NHSL2: variants seen among roughly 807,000 people sequenced by gnomAD.
NHSL2 encodes the protein NHS-like protein 2.
A neutral mutation model predicts 53.4 loss-of-function variants in NHSL2; 27 were observed. That is an observed-to-expected ratio of 0.51 (90% CI 0.37 to 0.70). NHSL2 has a LOEUF of 0.70. Ranked by LOEUF, NHSL2 falls within the 30% of genes least tolerant of loss-of-function variation. NHSL2 has a pLI of 0.00. For missense variants in NHSL2, 892 were observed against 980.1 expected (o/e 0.91, Z 1.20); for synonymous variants, 408 against 404.1 (o/e 1.01, Z -0.12).
chrX:71,935,376 G>A (rs2041733106), intron 1 of NHSL2, among the ~76,000 whole-genome samples: 1 of 112,394 alleles, frequency 8.9e-6, no homozygotes. Flanking sequence ...CTAGGGAAAT[G>A]TGAAAACCAT....
At chrX:72,017,903 T>C (rs751523574) in intron 1 of NHSL2, among the ~76,000 whole-genome samples, 36 of 111,361 alleles carry the variant, frequency 3.2e-4, no homozygotes, top group African/African-American at 7.9e-4. Context: ...TCTTTTTTTT[T>C]CCCCTCATTT....
intron 5 of NHSL2, 125 bp downstream of exon 5, chrX:72,137,350 G>A (rs1169721468): frequency 1.5e-6 from 1 of 666,961 alleles, no homozygotes; most frequent in African/African-American, 2.2e-5. Flanking sequence ...GCCTCCGGAT[G>A]TCCTGAAAAA....
At chrX:72,079,780 C>T (rs993348484) in intron 1 of NHSL2, 28 of 113,036 alleles carry the variant, frequency 2.5e-4, no homozygotes, top group Non-Finnish European at 3.4e-4. Flanking sequence ...GTTCATTTCC[C>T]CTCACTGCAG....
At chrX:72,052,304 C>T (rs939453537) in intron 1 of NHSL2, among the ~76,000 whole-genome samples, 22 of 112,363 alleles carry the variant, frequency 2.0e-4, no homozygotes, top group African/African-American at 6.8e-4. Flanking sequence ...ACTGGATGCT[C>T]AATTCCTAGT....
Position 72,143,741 on chromosome X carries a change from T to C in NHSL2, c.*167T>C. ...GCTACTTCATCTAGAGCTAAAATCATCTGGCACTTAATCATCTTCAGACAT... is the reference window on the plus strand; with the variant it reads ...GCTACTTCATCTAGAGCTAAAATCACCTGGCACTTAATCATCTTCAGACAT... On this transcript the variant is annotated 3_prime_UTR_variant, in exon 8 of 8. Coordinates refer to ENST00000633930, the MANE Select transcript of NHSL2 (RefSeq NM_001013627.3). 2.5e-6 allele frequency: 1 copy of C among 398,794 alleles called. No individual in the cohort carries two copies. Among genetic ancestry groups the C allele is most frequent in the Non-Finnish European group, 4.4e-6 (1 of 228,420 alleles). 32.9% of individuals were successfully genotyped at this position (398,794 alleles called of 1,213,427 possible). A position where few individuals can be genotyped will look rare whatever the true frequency, so the allele number is the denominator to read the frequency against.
At chrX:71,923,177 G>T (rs1389392662) in intron 1 of NHSL2, among the ~76,000 whole-genome samples, 2 of 111,342 alleles carry the variant, frequency 1.8e-5, no homozygotes, top group Admixed American at 9.5e-5. Flanking sequence ...TGGCAAGCAG[G>T]TGTCCCCTCC....
intron 1 of NHSL2, among the ~76,000 whole-genome samples, chrX:72,041,525 T>G (rs1030008845): frequency 8.9e-6 from 1 of 112,349 alleles, no homozygotes; most frequent in African/African-American, 3.2e-5. Context: ...ATTTCACATT[T>G]GTAAGCTACA....
rs756396497 is a variant in NHSL2 at position 72,144,871 on chromosome X, C to G, written c.*1297C>G. 7.6e-6 allele frequency: 1 copy of G among 131,818 alleles called. No homozygotes were observed. The highest frequency in any genetic ancestry group is 1.5e-5 in the Non-Finnish European group (1 of 67,045). 10.9% of individuals were successfully genotyped at this position (131,818 alleles called of 1,213,427 possible). A position where few individuals can be genotyped will look rare whatever the true frequency, so the allele number is the denominator to read the frequency against. ...GAGCTTCAGAATAATCATTGCGACC[C>G]CTCCCTGCCCCCACCCCCCACGAAG... On this transcript the variant is annotated 3_prime_UTR_variant, in exon 8 of 8. Coordinates refer to ENST00000633930, the MANE Select transcript of NHSL2 (RefSeq NM_001013627.3).
chrX:71,977,892 C>T, intron 1 of NHSL2, among the ~76,000 whole-genome samples: 1 of 111,581 alleles, frequency 9.0e-6, no homozygotes, highest in African/African-American at 3.3e-5. Context: ...TCCCACCTCC[C>T]TTATTACATA....
intron 1 of NHSL2, among the ~76,000 whole-genome samples, chrX:72,101,023 C>G (rs2041987546): frequency 1.8e-5 from 2 of 109,278 alleles, no homozygotes; most frequent in African/African-American, 6.7e-5. Context: ...ACACTCAAAA[C>G]CCAATGCCTG....
intron 1 of NHSL2, among the ~76,000 whole-genome samples, chrX:72,040,647 G>C (rs1180201467): frequency 8.9e-6 from 1 of 112,089 alleles, no homozygotes. Context: ...AGCATCCCCT[G>C]AGCACGTGCA....
At chrX:72,013,639 A>G (rs1237644688) in intron 1 of NHSL2, among the ~76,000 whole-genome samples, 3 of 108,823 alleles carry the variant, frequency 2.8e-5, no homozygotes, top group Admixed American at 9.9e-5. Context: ...TCTGAGGGGG[A>G]AAGCATTTAG....
chrX:71,949,619 A>G (rs977488766), intron 1 of NHSL2, among the ~76,000 whole-genome samples: 1 of 111,703 alleles, frequency 9.0e-6, no homozygotes, highest in African/African-American at 3.3e-5. Context: ...CCACAGCCCA[A>G]AGGGGTGCCT....
chrX:72,078,046 G>A (rs1362839895), intron 1 of NHSL2, among the ~76,000 whole-genome samples: 1 of 112,567 alleles, frequency 8.9e-6, no homozygotes, highest in East Asian at 2.8e-4. Context: ...GCTCCTAAAG[G>A]GCATATATAA....
chrX:72,044,991 T>C lies in NHSL2; in HGVS notation c.281-87088T>C, dbSNP rs369212673. ...AAAAAAAAAGAAGAGTGGCCCAAGGTAATTTTCTAACTGATGTGGCACTGG... is the reference window on the plus strand; with the variant it reads ...AAAAAAAAAGAAGAGTGGCCCAAGGCAATTTTCTAACTGATGTGGCACTGG... On this transcript the variant is annotated intron_variant, in intron 1 of 7. Transcript: ENST00000633930. 89 of 541,946 alleles carry C rather than the reference T, an allele frequency of 1.6e-4. No individual in the cohort carries two copies. The East Asian group carries it at 2.0e-3, about 12-fold the overall frequency. 44.7% of individuals were successfully genotyped at this position (541,946 alleles called of 1,213,427 possible). A position where few individuals can be genotyped will look rare whatever the true frequency, so the allele number is the denominator to read the frequency against.
chrX:72,003,189 G>A (rs2042079417), intron 1 of NHSL2, among the ~76,000 whole-genome samples: 1 of 111,394 alleles, frequency 9.0e-6, no homozygotes, highest in Admixed American at 9.6e-5. Context: ...ACAGCTGCAG[G>A]AAAATTTGTC....
chrX:71,982,579 G>A (rs1274945134), intron 1 of NHSL2, among the ~76,000 whole-genome samples: 1 of 111,791 alleles, frequency 8.9e-6, no homozygotes, highest in African/African-American at 3.3e-5. Context: ...CGGGAGAGGG[G>A]CTGAAGGTGA....
intron 1 of NHSL2, among the ~76,000 whole-genome samples, chrX:71,997,193 G>A (rs2042053554): frequency 1.8e-5 from 2 of 111,651 alleles, no homozygotes; most frequent in Admixed American, 1.9e-4. Flanking sequence ...CCACTACAAG[G>A]GCAACAAATC....
intron 1 of NHSL2, among the ~76,000 whole-genome samples, chrX:71,953,173 AT>A (rs1382074802): frequency 9.0e-6 from 1 of 111,165 alleles, no homozygotes; most frequent in Non-Finnish European, 1.9e-5. Flanking sequence ...TTAGCTGTTC[AT>A]TTGGGCCCTC....
Sources: gnomAD v4.1 joint callset for allele counts (sites outside exome capture counted in the v4.1 genomes callset) on GRCh38, gnomAD v4.1.1 for gene constraint, MANE v1.5 for transcripts, NCBI Gene and HGNC (gene_info 2026-07-23, HGNC 2026-07-21) for gene names.